MIS18BP1: variants seen among roughly 807,000 people sequenced by gnomAD.
The protein encoded by MIS18BP1 is MIS18 binding protein 1.
A neutral mutation model predicts 116.1 loss-of-function variants in MIS18BP1; 72 were observed. The ratio of observed to expected loss-of-function variants is 0.62; its 90% confidence interval spans 0.51 to 0.75. MIS18BP1 has a LOEUF of 0.75. MIS18BP1 is among the 30% of genes least tolerant of loss of function. The pLI is 0.00. For synonymous variants in MIS18BP1, 386 were observed against 427.0 expected (o/e 0.90, Z 1.18); for missense variants, 1,363 against 1,303.2 (o/e 1.05, Z -0.71).
intron 8 of MIS18BP1, among the ~76,000 whole-genome samples, 160 bp from the exon 9 acceptor site, chr14:45,227,974 C>T (rs936789424): frequency 5.3e-5 from 8 of 152,108 alleles, no homozygotes; most frequent in African/African-American, 1.7e-4. Flanking sequence ...CCCAGGAGTT[C>T]AAGACTAGCC....
In MIS18BP1 at chr14:45,232,758, T is replaced by C. The variant is rs1449607941; in HGVS notation, c.1411A>G (p.Ile471Val). ...CTTAATTGTTCCAGAAAATTATCAA[T>C]GTGCTCTTTCCAATTTTCTGGAAAT... ...FGFPENWKEH[I>V]DNFLEQLRAG... The change falls in exon 7 of 17, where the codon ATT (isoleucine) becomes GTT (valine). Residue 471 changes from isoleucine to valine, a missense_variant. By Grantham distance (29) the Ile-to-Val change is conservative. Coordinates refer to ENST00000310806, the MANE Select transcript of MIS18BP1 (RefSeq NM_018353.5). The C allele has an allele frequency of 1.4e-6, 2 of 1,478,774 alleles. No individual in the cohort carries two copies. The highest frequency in any genetic ancestry group is 4.9e-5 in the East Asian group (2 of 40,978). The allele number at this position is 1,478,774 out of a possible 1,614,324, so 91.6% of individuals were successfully genotyped here.
chr14:45,242,708 C>G, intron 3 of MIS18BP1, 53 bp downstream of exon 3: 2 of 1,514,296 alleles, frequency 1.3e-6, no homozygotes, highest in Non-Finnish European at 1.8e-6. Flanking sequence ...TTACCTAGAA[C>G]ATTTAACAAT....
intron 11 of MIS18BP1, among the ~76,000 whole-genome samples, chr14:45,223,024 GC>G (rs1891015445): frequency 6.6e-6 from 1 of 152,168 alleles, no homozygotes; most frequent in Non-Finnish European, 1.5e-5. Flanking sequence ...TGTGACTGTA[GC>G]CCCTGCAGGA....
intron 13 of MIS18BP1, among the ~76,000 whole-genome samples, chr14:45,216,759 AAT>A (rs903256211): frequency 1.4e-4 from 22 of 152,178 alleles, no homozygotes; most frequent in South Asian, 2.1e-4. Flanking sequence ...TTAAACTTTA[AAT>A]ATATATGTTT....
chr14:45,207,573 C>T (rs1890552269), intron 14 of MIS18BP1, among the ~76,000 whole-genome samples: 1 of 152,168 alleles, frequency 6.6e-6, no homozygotes, highest in African/African-American at 2.4e-5. Flanking sequence ...ATTGCTTGAA[C>T]CTGGTAGATG....
intron 1 of MIS18BP1, among the ~76,000 whole-genome samples, chr14:45,250,960 C>CCGGGAGG (rs1891855713): frequency 6.6e-6 from 1 of 151,052 alleles, no homozygotes; most frequent in Non-Finnish European, 1.5e-5. Context: ...TGGAGTGAAC[C>CCGGGAGG]CGGGAGGCGG....
At chr14:45,239,421 G>A (rs937384349) in intron 4 of MIS18BP1, among the ~76,000 whole-genome samples, 1 of 152,198 alleles carries the variant, frequency 6.6e-6, no homozygotes, top group African/African-American at 2.4e-5. Flanking sequence ...AGTGAGCAAT[G>A]AGTCACATGG....
At chr14:45,215,853 C>T (rs928950259) in intron 13 of MIS18BP1, among the ~76,000 whole-genome samples, 3 of 151,776 alleles carry the variant, frequency 2.0e-5, no homozygotes, top group East Asian at 1.9e-4. Context: ...TACAGGCGGC[C>T]GCCACCATGC....
At chr14:45,233,628 TG>T (rs1200330035) in intron 6 of MIS18BP1, among the ~76,000 whole-genome samples, 2 of 152,128 alleles carry the variant, frequency 1.3e-5, no homozygotes. Flanking sequence ...GGTCTGAGTT[TG>T]GGATATATTT....
chr14:45,207,908 GTTTC>G (rs1346909552), intron 14 of MIS18BP1, among the ~76,000 whole-genome samples: 7 of 152,214 alleles, frequency 4.6e-5, no homozygotes, highest in East Asian at 1.9e-4. Flanking sequence ...AATCTATCGT[GTTTC>G]TTTAATTGTA....
chr14:45,214,523 A>G (rs1233803923), intron 13 of MIS18BP1, among the ~76,000 whole-genome samples: 1 of 152,110 alleles, frequency 6.6e-6, no homozygotes, highest in Admixed American at 6.5e-5. Flanking sequence ...CTCAGAGACC[A>G]GGGGCGCCGC....
chr14:45,239,854 T>C (rs1460982326), intron 4 of MIS18BP1, among the ~76,000 whole-genome samples: 2 of 152,138 alleles, frequency 1.3e-5, no homozygotes, highest in Admixed American at 1.3e-4. Flanking sequence ...GATTTCTTCA[T>C]GGTTTGGATG....
chr14:45,239,182 G>C (rs1891507784), intron 4 of MIS18BP1, among the ~76,000 whole-genome samples: 2 of 152,134 alleles, frequency 1.3e-5, no homozygotes, highest in Admixed American at 1.3e-4. Flanking sequence ...CACTGTTTTA[G>C]ATAGTGGAGA....
At chr14:45,241,184 T>G (rs1891565097) in intron 4 of MIS18BP1, among the ~76,000 whole-genome samples, 1 of 152,190 alleles carries the variant, frequency 6.6e-6, no homozygotes, top group Non-Finnish European at 1.5e-5. Context: ...ATTTAAGAAT[T>G]AATGGCTGGA....
At chr14:45,243,497 G>A (rs1291950432) in intron 2 of MIS18BP1, among the ~76,000 whole-genome samples, 3 of 151,910 alleles carry the variant, frequency 2.0e-5, no homozygotes, top group African/African-American at 7.3e-5. Flanking sequence ...AAAGTTTAAT[G>A]TTTCTCGAAT....
chr14:45,204,299 A>C lies in MIS18BP1; in HGVS notation c.3296-87T>G, dbSNP rs1890450596. 3.9e-6 allele frequency: 6 copies of C among 1,533,622 alleles called. No homozygotes were observed. In the East Asian group the frequency reaches 9.1e-5, roughly 23 times the overall value. The stretch of plus-strand genomic sequence containing the variant: ...AAACAACTATAAGGAATAAAATGCT[A>C]AGTCTGTCCACTTGAGAGCAATTAA... On this transcript the variant is annotated intron_variant, in intron 16 of 16. Transcript: ENST00000310806.
In MIS18BP1 at chr14:45,221,151, AAAAG is replaced by A. The variant is rs552681845; in HGVS notation, c.2670-2701_2670-2698del. 3.1e-4 allele frequency among the ~76,000 whole-genome samples: 47 copies of A among 151,738 alleles called. No homozygotes were observed. The South Asian group carries it at 7.5e-3, about 24-fold the overall frequency. ...CTCTGTCTCCAAAAAGAAAAAAAAT[AAAAG>A]AAGCCGGGCGCGGTGGCTCAAGCCT... On this transcript the variant is annotated intron_variant, in intron 11 of 16. Transcript: ENST00000310806.
chr14:45,212,531 AC>A (rs1189613904), intron 13 of MIS18BP1, among the ~76,000 whole-genome samples: 5 of 152,186 alleles, frequency 3.3e-5, no homozygotes, highest in Admixed American at 2.6e-4. Flanking sequence ...CTAAAATAAT[AC>A]TTAATCGCAG....
At chr14:45,244,699 T>C (rs1161989956) in intron 2 of MIS18BP1, among the ~76,000 whole-genome samples, 1 of 152,240 alleles carries the variant, frequency 6.6e-6, no homozygotes, top group Non-Finnish European at 1.5e-5. Flanking sequence ...AAATCAAATT[T>C]AGGCCTCTCC....
Sources: allele counts gnomAD v4.1 joint callset (sites outside exome capture counted in the v4.1 genomes callset), GRCh38; gene constraint gnomAD v4.1.1; transcripts MANE v1.5; gene names NCBI Gene and HGNC (gene_info 2026-07-23, HGNC 2026-07-21).